VEGFC: variants seen among roughly 807,000 people sequenced by gnomAD.
VEGFC encodes vascular endothelial growth factor C.
In VEGFC, 12 loss-of-function variants were observed where a neutral mutation model predicts 46.1. That is an observed-to-expected ratio of 0.26 (90% confidence interval 0.17 to 0.42). The LOEUF (loss-of-function observed/expected upper bound fraction) is 0.42, where lower values mean the gene tolerates loss of function less well. Ranked by LOEUF, VEGFC falls within the 10% of genes least tolerant of loss-of-function variation. VEGFC has a pLI of 1.00. For missense variants in VEGFC, 488 were observed against 529.4 expected (o/e 0.92, Z 0.77); for synonymous variants, 232 against 195.5 (o/e 1.19, Z -1.56).
At chr4:176,686,379 G>A (rs1325179139) in intron 6 of VEGFC, among the ~76,000 whole-genome samples, 3 of 152,202 alleles carry the variant, frequency 2.0e-5, no homozygotes, top group East Asian at 1.9e-4. Context: ...ACAGACCTGG[G>A]TTGCTAAAGT....
At chr4:176,777,918 CAAAAAAAAAAAAAAAA>C (rs773634012) in intron 1 of VEGFC, among the ~76,000 whole-genome samples, 6 of 57,146 alleles carry the variant, frequency 1.0e-4, no homozygotes, top group African/African-American at 1.3e-4. Flanking sequence ...GACTTTGTCT[CAAAAAAAAAAAAAAAA>C]AAAAAAAAAA....
intron 1 of VEGFC, among the ~76,000 whole-genome samples, chr4:176,769,627 C>T (rs1735689796): frequency 6.6e-6 from 1 of 152,196 alleles, no homozygotes; most frequent in African/African-American, 2.4e-5. Context: ...ATGAACATGA[C>T]TCACAGGGAT....
At chr4:176,759,728 T>G in intron 1 of VEGFC, among the ~76,000 whole-genome samples, 1 of 80,252 alleles carries the variant, frequency 1.2e-5, no homozygotes, top group South Asian at 7.2e-4. Flanking sequence ...CATTTCTCAT[T>G]TTTAAAAAGT....
At chr4:176,697,665 G>T (rs895634428) in intron 4 of VEGFC, among the ~76,000 whole-genome samples, 8 of 151,788 alleles carry the variant, frequency 5.3e-5, no homozygotes, top group Middle Eastern at 3.4e-3. Context: ...AAATCATGCT[G>T]CTATAAAGAC....
At position 176,687,739 on chromosome 4, in the gene VEGFC, A is replaced by T. The variant is rs1734070518; in HGVS notation, c.811+82T>A. On this transcript the variant is annotated intron_variant, in intron 5 of 6. Transcript: ENST00000618562. ...CTTATTTAGAAGAATGATGAATATT[A>T]TATGTGTGGTTTTAATATTAGAGTA... The T allele has an allele frequency of 3.6e-6, 4 of 1,097,426 alleles. No homozygotes were observed. In the East Asian group the frequency reaches 7.2e-5, roughly 20 times the overall value. The allele number at this position is 1,097,426 out of a possible 1,614,324, so 68.0% of individuals were successfully genotyped here. A position where few individuals can be genotyped will look rare whatever the true frequency, so the allele number is the denominator to read the frequency against.
intron 3 of VEGFC, among the ~76,000 whole-genome samples, chr4:176,722,499 G>GTTTTTTTTTTTTTTT (rs796817880): frequency 9.6e-6 from 1 of 104,690 alleles, no homozygotes; most frequent in Non-Finnish European, 2.2e-5. Flanking sequence ...TTTTTTTTTT[G>GTTTTTTTTTTTTTTT]TTTTTTTTTT....
chr4:176,748,549 A>G (rs1011972622), intron 1 of VEGFC, among the ~76,000 whole-genome samples: 2 of 152,060 alleles, frequency 1.3e-5, no homozygotes, highest in African/African-American at 2.4e-5. Context: ...GAAAGAAGGA[A>G]GAAAGAAAGG....
intron 4 of VEGFC, among the ~76,000 whole-genome samples, chr4:176,696,878 T>C (rs1734324592): frequency 6.6e-6 from 1 of 151,934 alleles, no homozygotes; most frequent in Non-Finnish European, 1.5e-5. Context: ...AAACAAGCAA[T>C]GGGGAAAGGA....
rs774825708 is a variant in VEGFC, at chr4:176,687,440, C to A, written c.892G>T (p.Gly298Trp). The stretch of plus-strand genomic sequence containing the variant: ...GGTCCACAGCTGGCAGGCCGAAGCC[C>A]CGCTCTGCAGACACACTGACAGGTC... ...EETCQCVCRA[G>W]LRPASCGPHK... The change falls in exon 6 of 7, where the codon GGG becomes TGG. Residue 298 changes from glycine (G) to tryptophan (W), a missense_variant. Transcript: ENST00000618562. 6.2e-7 allele frequency: 1 copy of A among 1,614,136 alleles called. No homozygotes were observed. Among genetic ancestry groups the A allele is most frequent in the Non-Finnish European group, 8.5e-7 (1 of 1,180,020 alleles).
At chr4:176,720,085 T>C (rs1369411868) in intron 3 of VEGFC, among the ~76,000 whole-genome samples, 3 of 151,746 alleles carry the variant, frequency 2.0e-5, no homozygotes, top group Non-Finnish European at 2.9e-5. Flanking sequence ...CCTTATACTA[T>C]AAACAAAAAT....
intron 1 of VEGFC, among the ~76,000 whole-genome samples, chr4:176,731,951 T>G (rs1253979511): frequency 6.6e-6 from 1 of 151,738 alleles, no homozygotes; most frequent in African/African-American, 2.4e-5. Flanking sequence ...AACATAAGCA[T>G]AACATTCACA....
chr4:176,688,049 G>C, intron 4 of VEGFC, 122 bp from the exon 5 acceptor site: 1 of 539,382 alleles, frequency 1.9e-6, no homozygotes, highest in Non-Finnish European at 3.3e-6. Context: ...AGAATTATGA[G>C]ATAAAATGTG....
At chr4:176,783,246 G>T (rs532835816) in intron 1 of VEGFC, among the ~76,000 whole-genome samples, 2 of 152,224 alleles carry the variant, frequency 1.3e-5, no homozygotes, top group South Asian at 2.1e-4. Flanking sequence ...TCTGGAAGAG[G>T]GTCCCTTAGG....
intron 1 of VEGFC, among the ~76,000 whole-genome samples, chr4:176,759,168 A>G (rs1244337500): frequency 6.6e-6 from 1 of 152,128 alleles, no homozygotes; most frequent in Non-Finnish European, 1.5e-5. Context: ...TCTTCAACTT[A>G]TGTTTAGAAA....
intron 1 of VEGFC, among the ~76,000 whole-genome samples, chr4:176,738,845 T>C (rs1735101414): frequency 6.6e-6 from 1 of 151,568 alleles, no homozygotes; most frequent in African/African-American, 2.4e-5. Context: ...GGAACTTAAA[T>C]TTACAAGAAA....
intron 4 of VEGFC, among the ~76,000 whole-genome samples, chr4:176,688,998 T>C (rs529851589): frequency 6.6e-6 from 1 of 152,322 alleles, no homozygotes; most frequent in African/African-American, 2.4e-5. Context: ...CTGTAGAATG[T>C]TTTCCTAGTT....
intron 1 of VEGFC, among the ~76,000 whole-genome samples, chr4:176,762,956 A>C (rs1735556038): frequency 6.6e-6 from 1 of 152,224 alleles, no homozygotes; most frequent in Admixed American, 6.5e-5. Flanking sequence ...AAACTAGAAA[A>C]ATAACTCTGA....
chr4:176,773,199 C>T (rs1446763515), intron 1 of VEGFC, among the ~76,000 whole-genome samples: 1 of 152,184 alleles, frequency 6.6e-6, no homozygotes, highest in East Asian at 1.9e-4. Flanking sequence ...AGCTGCACAA[C>T]AATCAGCCAT....
intron 1 of VEGFC, among the ~76,000 whole-genome samples, chr4:176,766,309 T>C (rs1022777180): frequency 4.6e-5 from 7 of 152,044 alleles, no homozygotes; most frequent in Non-Finnish European, 1.0e-4. Flanking sequence ...AATGAAGCTG[T>C]GCATGGTGGC....
Sources: gnomAD v4.1 joint callset for allele counts (sites outside exome capture counted in the v4.1 genomes callset) on GRCh38, gnomAD v4.1.1 for gene constraint, MANE v1.5 for transcripts, NCBI Gene and HGNC (gene_info 2026-07-23, HGNC 2026-07-21) for gene names.